Variants in SYT16 observed in about 807,000 individuals in gnomAD.
SYT16 encodes the protein synaptotagmin-16.
In SYT16, 42 loss-of-function variants were observed where a neutral mutation model predicts 61.4. The observed-to-expected ratio is 0.68, with a 90% CI of 0.53 to 0.89. SYT16 has a LOEUF of 0.89. SYT16 is among the 40% of genes least tolerant of loss of function. The pLI, the probability that SYT16 is intolerant of heterozygous loss-of-function variation, is 0.00. For missense variants in SYT16, 804 were observed against 807.3 expected (o/e 1.00, Z 0.05); for synonymous variants, 314 against 302.3 (o/e 1.04, Z -0.40).
chr14:62,056,635 G>A (rs561291762), intron 3 of SYT16, among the ~76,000 whole-genome samples: 1 of 152,282 alleles, frequency 6.6e-6, no homozygotes, highest in East Asian at 1.9e-4. Flanking sequence ...TTTCTTTGTA[G>A]ACACATAAGA....
chr14:62,018,809 C>T (rs1423552410), intron 3 of SYT16, among the ~76,000 whole-genome samples: 1 of 152,146 alleles, frequency 6.6e-6, no homozygotes, highest in Admixed American at 6.5e-5. Flanking sequence ...TCCCCATCCC[C>T]TTTCCATGCC....
chr14:62,081,114 C>T lies in SYT16; in HGVS notation c.1274C>T (p.Pro425Leu). 1 of 1,613,924 alleles carries T rather than the reference C, an allele frequency of 6.2e-7. No individual in the cohort carries two copies. The highest frequency in any genetic ancestry group is 8.5e-7 in the Non-Finnish European group (1 of 1,179,884). Reference protein sequence around the residue: ...REKVTFAKLEPRDVAACAVRF... With the variant: ...REKVTFAKLELRDVAACAVRF... ...AAGGTCACCTTTGCCAAGCTGGAGC[C>T]CAGAGATGTGGCTGCCTGTGCTGTC... Residue 425 changes from proline to leucine, a missense_variant, in exon 6 of 8, where the codon CCC (proline) becomes CTC (leucine). Pro to Leu is a moderately conservative substitution (Grantham distance 98). Transcript: ENST00000683842.
chr14:62,049,507 G>T (rs907681582), intron 3 of SYT16, among the ~76,000 whole-genome samples: 2 of 152,170 alleles, frequency 1.3e-5, no homozygotes, highest in Non-Finnish European at 2.9e-5. Flanking sequence ...GTGTGAATTT[G>T]ATCCTGTCAT....
At chr14:62,021,775 C>G (rs912484803) in intron 3 of SYT16, among the ~76,000 whole-genome samples, 1 of 152,144 alleles carries the variant, frequency 6.6e-6, no homozygotes, top group Admixed American at 6.5e-5. Context: ...GTGTAAATTT[C>G]TATTTTGTCT....
intron 2 of SYT16, among the ~76,000 whole-genome samples, chr14:61,971,397 C>G (rs1387116302): frequency 6.6e-6 from 1 of 152,068 alleles, no homozygotes; most frequent in Admixed American, 6.6e-5. Context: ...CATCTGAAGG[C>G]TGGACTGTGG....
At chr14:61,951,544 T>G (rs979772577) in intron 1 of SYT16, among the ~76,000 whole-genome samples, 2 of 152,106 alleles carry the variant, frequency 1.3e-5, no homozygotes, top group Non-Finnish European at 2.9e-5. Context: ...CCAAATGCAT[T>G]TGTTTTGGAG....
chr14:62,055,262 A>C (rs1328460969), intron 3 of SYT16, among the ~76,000 whole-genome samples: 1 of 152,244 alleles, frequency 6.6e-6, no homozygotes, highest in Non-Finnish European at 1.5e-5. Flanking sequence ...GGTCCTATCA[A>C]GCAATTCCCT....
At chr14:62,098,970 G>C (rs1286529831) in intron 7 of SYT16, among the ~76,000 whole-genome samples, 3 of 152,162 alleles carry the variant, frequency 2.0e-5, no homozygotes, top group Non-Finnish European at 4.4e-5. Flanking sequence ...CAGAGCATGG[G>C]GAACATGTAC....
At chr14:62,056,100 C>T (rs376192998) in intron 3 of SYT16, among the ~76,000 whole-genome samples, 1 of 150,874 alleles carries the variant, frequency 6.6e-6, no homozygotes, top group Non-Finnish European at 1.5e-5. Flanking sequence ...TTATAATAAA[C>T]GTATTTTCCA....
chr14:61,992,172 A>G (rs188302685), intron 2 of SYT16, among the ~76,000 whole-genome samples: 166 of 152,294 alleles, frequency 1.1e-3, no homozygotes, highest in Non-Finnish European at 1.2e-3. Flanking sequence ...CTTTGATTGT[A>G]GATGAAGAGT....
rs1377366489 is a variant in SYT16 at position 62,105,846 on chromosome 14, C to T, written c.*5139C>T. ...TGCGAGGCTACACTCCTAATATAAT[C>T]AAATTGCCAAAGCACTGTTTTGAGT... On this transcript the variant is annotated 3_prime_UTR_variant, in exon 8 of 8. Transcript: ENST00000683842. 1.3e-5 allele frequency: 2 copies of T among 152,154 alleles called. No homozygotes were observed. The highest frequency in any genetic ancestry group is 2.9e-5 in the Non-Finnish European group (2 of 68,022). The allele number at this position is 152,154 out of a possible 1,614,324, so 9.4% of individuals were successfully genotyped here.
At chr14:61,956,154 T>C (rs549548308) in intron 1 of SYT16, among the ~76,000 whole-genome samples, 2 of 152,182 alleles carry the variant, frequency 1.3e-5, no homozygotes, top group South Asian at 4.1e-4. Context: ...TTATTTGGTA[T>C]GTTTGCTATT....
chr14:61,850,223 C>T (rs553332849), intron 1 of SYT16, among the ~76,000 whole-genome samples: 71 of 150,930 alleles, frequency 4.7e-4, no homozygotes, highest in African/African-American at 1.7e-3. Context: ...CAACCTCTGC[C>T]TCCTGGGTTC....
chr14:62,043,927 C>T (rs2054853078), intron 3 of SYT16, among the ~76,000 whole-genome samples: 2 of 152,118 alleles, frequency 1.3e-5, no homozygotes. Context: ...CCTACCTCGG[C>T]CTCTCAAAGT....
chr14:62,039,834 TACACACACACACACACACACACACAC>T lies in SYT16; in HGVS notation c.524-29750_524-29725del, dbSNP rs71449576. Among the ~76,000 whole-genome samples the T allele has an allele frequency of 6.4e-5, 8 of 124,340 alleles. 1 individual carries two copies. Among genetic ancestry groups the T allele is most frequent in the African/African-American group, 2.2e-4 (8 of 35,690 alleles). 81.6% of individuals were successfully genotyped at this position (124,340 alleles called of 152,430 possible). On this transcript the variant is annotated intron_variant, in intron 3 of 7. Transcript: ENST00000683842. ...AGCCAAATTCAGAGGGGCTTAAGCATACACACACACACACACACACACACACACACACACACACACACACGCACATA... is the reference window on the plus strand; with the variant it reads ...AGCCAAATTCAGAGGGGCTTAAGCATACACACACACACACACACGCACATA...
chr14:61,911,741 A>T (rs1407298107), intron 1 of SYT16, among the ~76,000 whole-genome samples: 2 of 152,206 alleles, frequency 1.3e-5, no homozygotes, highest in African/African-American at 4.8e-5. Flanking sequence ...CTGAGCTGTG[A>T]TTGGCCACTC....
In SYT16 at chr14:61,996,409, C is replaced by G. The variant is rs761013827; in HGVS notation, c.390C>G (p.Asp130Glu). 5.6e-6 allele frequency: 9 copies of G among 1,613,486 alleles called. No homozygotes were observed. The highest frequency in any genetic ancestry group is 7.6e-6 in the Non-Finnish European group (9 of 1,179,554). Residue 130 changes from aspartate (D) to glutamate (E), a missense_variant, in exon 3 of 8, where the codon GAC (aspartate) becomes GAG (glutamate). Physicochemically the swap from Asp to Glu is conservative, Grantham distance 45. Transcript: ENST00000683842. ...MSQWPNWASD[D>E]RKLPHVLSSI... The stretch of plus-strand genomic sequence containing the variant: ...AGTGGCCCAATTGGGCCAGTGATGA[C>G]CGCAAGTTACCACATGTGCTTTCTT...
At chr14:61,834,287 T>C (rs1302050697) in intron 1 of SYT16, among the ~76,000 whole-genome samples, 2 of 152,014 alleles carry the variant, frequency 1.3e-5, no homozygotes, top group African/African-American at 4.8e-5. Context: ...CCTGCCACCA[T>C]GCCTGGCTAA....
intron 2 of SYT16, among the ~76,000 whole-genome samples, chr14:61,994,206 T>C (rs958528567): frequency 6.6e-6 from 1 of 152,150 alleles, no homozygotes; most frequent in Admixed American, 6.6e-5. Flanking sequence ...ATCCCCCATG[T>C]TGTGAGTCTA....
Sources: gnomAD v4.1 joint callset for allele counts (sites outside exome capture counted in the v4.1 genomes callset) on GRCh38, gnomAD v4.1.1 for gene constraint, MANE v1.5 for transcripts, NCBI Gene and HGNC (gene_info 2026-07-23, HGNC 2026-07-21) for gene names.